CEP135: variants seen among roughly 807,000 people sequenced by gnomAD.
CEP135 encodes centrosomal protein of 135 kDa.
Under a neutral mutation model 157.3 loss-of-function variants are expected in CEP135, and 142 were observed. That is an observed-to-expected ratio of 0.90 (90% CI 0.79 to 1.04). The LOEUF (loss-of-function observed/expected upper bound fraction) is 1.04, where lower values mean the gene tolerates loss of function less well. Among genes scored for constraint, CEP135 ranks in the 50% least tolerant of loss-of-function variants. The pLI is 0.00. For missense variants in CEP135, 1,317 were observed against 1,309.2 expected (o/e 1.01, Z -0.09); for synonymous variants, 396 against 439.8 (o/e 0.90, Z 1.25).
chr4:55,974,448 A>G (rs925678848), intron 10 of CEP135, among the ~76,000 whole-genome samples: 2 of 152,190 alleles, frequency 1.3e-5, no homozygotes, highest in Admixed American at 6.5e-5. Context: ...CCGGGAAAGT[A>G]CTATGTGGTA....
At chr4:56,020,803 T>A in intron 24 of CEP135, 23 bp downstream of exon 24, 1 of 1,560,238 alleles carries the variant, frequency 6.4e-7, no homozygotes, top group Non-Finnish European at 8.8e-7. Flanking sequence ...TTTTTTACAT[T>A]TGACAATGTT....
At chr4:56,005,151 A>G (rs2109722841) in intron 17 of CEP135, among the ~76,000 whole-genome samples, 1 of 152,314 alleles carries the variant, frequency 6.6e-6, no homozygotes, top group African/African-American at 2.4e-5. Context: ...CACACACAAT[A>G]AAAACAAAGA....
chr4:55,981,175 T>C (rs887548235), intron 12 of CEP135, 52 bp from the exon 13 acceptor site: 13 of 1,501,458 alleles, frequency 8.7e-6, no homozygotes, highest in Middle Eastern at 1.8e-4. Context: ...TATTTTTTAT[T>C]TATATCTTTT....
At chr4:55,956,401 T>C (rs2109643650) in intron 4 of CEP135, among the ~76,000 whole-genome samples, 1 of 152,340 alleles carries the variant, frequency 6.6e-6, no homozygotes, top group Non-Finnish European at 1.5e-5. Context: ...CTACTACTTG[T>C]AGAGGTTAAG....
Position 55,964,305 on chromosome 4 carries a change from T to C in CEP135, c.731T>C (p.Leu244Pro), listed in dbSNP as rs1418388385. 1 of 1,612,820 alleles carries C rather than the reference T, an allele frequency of 6.2e-7. No individual in the cohort carries two copies. Among genetic ancestry groups the C allele is most frequent in the East Asian group, 2.2e-5 (1 of 44,828 alleles). The change falls in exon 7 of 26, where the codon CTG becomes CCG. Residue 244 changes from leucine (L) to proline (P), a missense_variant. By Grantham distance (98) the Leu-to-Pro change is moderately conservative (BLOSUM62 -3). Transcript: ENST00000257287. Reference sequence around the variant, plus strand: ...CTAAGAGAACGAGAGATAGAACGACTGTCAGTTGCTTTGGATGGTGGTCGG... The same window carrying C: ...CTAAGAGAACGAGAGATAGAACGACCGTCAGTTGCTTTGGATGGTGGTCGG... ...IELREREIER[L>P]SVALDGGRSP...
At chr4:56,025,907 C>A (rs7436262) in intron 25 of CEP135, among the ~76,000 whole-genome samples, 18,823 of 137,094 alleles carry the variant, frequency 0.14, 1,504 homozygotes, top group East Asian at 0.3. Context: ...GCATGAAAAT[C>A]AAAAAAAAAA....
intron 15 of CEP135, among the ~76,000 whole-genome samples, chr4:55,998,767 A>G (rs1208106186): frequency 1.3e-5 from 2 of 152,158 alleles, no homozygotes; most frequent in Non-Finnish European, 2.9e-5. Context: ...AGGGATGCTG[A>G]GGTGGGAGGA....
At chr4:56,008,190 G>T (rs981841972) in intron 17 of CEP135, 137 bp from the exon 18 acceptor site, 18 of 613,738 alleles carry the variant, frequency 2.9e-5, no homozygotes, top group African/African-American at 2.6e-4. Context: ...ATGGAGATAT[G>T]TTTACTTGGA....
At chr4:55,965,995 A>G in intron 8 of CEP135, 136 bp downstream of exon 8, 1 of 695,530 alleles carries the variant, frequency 1.4e-6, no homozygotes, top group Middle Eastern at 2.5e-4. Flanking sequence ...TGCTTTGGTA[A>G]TTCAGGGTTT....
At chr4:55,969,630 GTACT>G (rs1291409658) in intron 9 of CEP135, among the ~76,000 whole-genome samples, 2 of 151,976 alleles carry the variant, frequency 1.3e-5, no homozygotes, top group African/African-American at 4.8e-5. Flanking sequence ...GCATTTATGA[GTACT>G]TCATTCCTTC....
At chr4:56,022,374 A>C (rs1368992124) in intron 24 of CEP135, among the ~76,000 whole-genome samples, 1 of 152,036 alleles carries the variant, frequency 6.6e-6, no homozygotes, top group Non-Finnish European at 1.5e-5. Flanking sequence ...CAAGGGAAAA[A>C]ATTGTTTCTT....
Position 56,024,627 on chromosome 4 carries a change from C to T in CEP135, c.*11+13C>T, listed in dbSNP as rs374373347. ...AATTATCAGAAAGGTATGTATGTAA[C>T]ACCAAGGACAGGCAAAACTAATCTG... On this transcript the variant is annotated intron_variant, in intron 25 of 25. Transcript: ENST00000257287. 110 of 1,518,568 alleles carry T rather than the reference C, an allele frequency of 7.2e-5. No homozygotes were observed. In the African/African-American group the frequency reaches 1.3e-3, roughly 18 times the overall value. The allele number at this position is 1,518,568 out of a possible 1,614,324, so 94.1% of individuals were successfully genotyped here. A position where few individuals can be genotyped will look rare whatever the true frequency, so the allele number is the denominator to read the frequency against.
At chr4:56,025,427 A>G (rs1731125914) in intron 25 of CEP135, among the ~76,000 whole-genome samples, 1 of 152,222 alleles carries the variant, frequency 6.6e-6, no homozygotes, top group South Asian at 2.1e-4. Context: ...AAGCATAGAA[A>G]CAGTAGTACA....
At chr4:56,003,097 G>T (rs1200162467) in intron 17 of CEP135, among the ~76,000 whole-genome samples, 1 of 151,914 alleles carries the variant, frequency 6.6e-6, no homozygotes, top group African/African-American at 2.4e-5. Flanking sequence ...TATTTATTGG[G>T]TCTTCTCTCT....
intron 14 of CEP135, among the ~76,000 whole-genome samples, chr4:55,990,747 C>T (rs1204019215): frequency 6.6e-6 from 1 of 152,192 alleles, no homozygotes; most frequent in African/African-American, 2.4e-5. Context: ...AAGCAATCCT[C>T]TTGGCCTCAA....
Position 55,980,172 on chromosome 4 carries a change from C to T in CEP135, c.1503C>T (p.Ile501=). The T allele has an allele frequency of 1.2e-6, 2 of 1,610,254 alleles. No homozygotes were observed. Among genetic ancestry groups the T allele is most frequent in the Non-Finnish European group, 1.7e-6 (2 of 1,178,176 alleles). Residue 501 remains isoleucine, a synonymous_variant, in exon 12 of 26, where the codon ATC becomes ATT. Transcript: ENST00000257287. The part of the protein sequence containing the change: ...KGDYNSEIHQ[I]TRERDELQRM... The stretch of plus-strand genomic sequence containing the variant: ...ATTACAATTCAGAAATTCATCAGAT[C>T]ACAAGAGAAAGAGATGAACTTCAGC...
At chr4:55,952,892 G>A (rs558013129) in intron 2 of CEP135, among the ~76,000 whole-genome samples, 193 bp from the exon 3 acceptor site, 1 of 152,320 alleles carries the variant, frequency 6.6e-6, no homozygotes, top group East Asian at 1.9e-4. Flanking sequence ...GATCTCATGA[G>A]GCAATAGGAA....
intron 1 of CEP135, among the ~76,000 whole-genome samples, chr4:55,951,306 T>TA (rs1164200191): frequency 2.0e-5 from 3 of 152,208 alleles, no homozygotes; most frequent in Non-Finnish European, 2.9e-5. Context: ...TTTAACTTTA[T>TA]AAAAAAACTG....
chr4:56,032,847 A>AGTGTGTGTGTGTGTGTGT lies in CEP135; in HGVS notation c.*1506_*1523dup, dbSNP rs10637230. On this transcript the variant is annotated 3_prime_UTR_variant, in exon 26 of 26. Coordinates refer to ENST00000257287, the MANE Select transcript of CEP135 (RefSeq NM_025009.5). ...TTCCTCTTGTGGTTTAATAAAGTGA[A>AGTGTGTGTGTGTGTGTGT]GTGTGTGTGTGTGTGTGTGTGTGTA... 1.3e-5 allele frequency: 2 copies of AGTGTGTGTGTGTGTGTGT among 149,730 alleles called. No individual in the cohort carries two copies. The highest frequency in any genetic ancestry group is 4.9e-5 in the African/African-American group (2 of 40,850). 9.3% of individuals were successfully genotyped at this position (149,730 alleles called of 1,614,324 possible).
Sources: allele counts gnomAD v4.1 joint callset (sites outside exome capture counted in the v4.1 genomes callset), GRCh38; gene constraint gnomAD v4.1.1; transcripts MANE v1.5; gene names NCBI Gene and HGNC (gene_info 2026-07-23, HGNC 2026-07-21).